The following SCARB1 variants were observed in gnomAD, a reference collection of about 807,000 sequenced individuals.
SCARB1 encodes the protein scavenger receptor class B member 1.
SCARB1 carries 30 observed loss-of-function variants against 57.2 expected under a neutral mutation model. The ratio of observed to expected loss-of-function variants is 0.52; its 90% CI spans 0.39 to 0.71. The LOEUF (loss-of-function observed/expected upper bound fraction) is 0.71. SCARB1 is among the 30% of genes least tolerant of loss of function. The probability of loss-of-function intolerance (pLI) is 0.00; values close to 1 mark genes in which losing one functional copy is unlikely to be tolerated. For missense variants in SCARB1, 543 were observed against 671.2 expected (o/e 0.81, Z 2.11); for synonymous variants, 249 against 268.3 (o/e 0.93, Z 0.70).
intron 1 of SCARB1, among the ~76,000 whole-genome samples, chr12:124,821,780 C>T (rs1191204450): frequency 2.0e-5 from 3 of 152,192 alleles, no homozygotes; most frequent in Non-Finnish European, 4.4e-5. Flanking sequence ...CATTAAGTGA[C>T]CCTTCCTCCT....
At chr12:124,786,302 C>T in intron 11 of SCARB1, 55 bp downstream of exon 11, 2 of 1,608,290 alleles carry the variant, frequency 1.2e-6, no homozygotes, top group Non-Finnish European at 1.7e-6. Context: ...GCCCCTTTCC[C>T]CCAGCAGGCA....
At chr12:124,791,162 C>T (rs1241786754) in intron 9 of SCARB1, among the ~76,000 whole-genome samples, 2 of 152,226 alleles carry the variant, frequency 1.3e-5, no homozygotes, top group African/African-American at 2.4e-5. Flanking sequence ...GGTGACTCCC[C>T]TGGGAGAGGG....
intron 7 of SCARB1, among the ~76,000 whole-genome samples, chr12:124,804,863 C>T (rs1220716123): frequency 2.0e-5 from 3 of 152,220 alleles, no homozygotes; most frequent in African/African-American, 4.8e-5. Flanking sequence ...AGGGCCGCTT[C>T]CGGTCCTACC....
intron 7 of SCARB1, among the ~76,000 whole-genome samples, chr12:124,806,468 C>T (rs952043148): frequency 1.3e-5 from 2 of 152,144 alleles, no homozygotes; most frequent in African/African-American, 4.8e-5. Context: ...GAAGATGTTA[C>T]GTAACACACA....
chr12:124,846,661 G>T (rs1952164651), intron 1 of SCARB1, among the ~76,000 whole-genome samples: 1 of 147,372 alleles, frequency 6.8e-6, no homozygotes, highest in South Asian at 2.1e-4. Flanking sequence ...AACCCGGGGG[G>T]CAGAAGTTGC....
chr12:124,842,828 C>T (rs746100695), intron 1 of SCARB1, among the ~76,000 whole-genome samples: 5 of 152,188 alleles, frequency 3.3e-5, no homozygotes, highest in Non-Finnish European at 5.9e-5. Flanking sequence ...GAGACAGAGG[C>T]CCAGGGCTCG....
chr12:124,780,345 T>C (rs910561633), intron 12 of SCARB1, among the ~76,000 whole-genome samples: 4 of 152,218 alleles, frequency 2.6e-5, no homozygotes, highest in African/African-American at 9.7e-5. Flanking sequence ...CCAGAGGGGC[T>C]GTCTTTTTCT....
In SCARB1 at chr12:124,776,952, T is replaced by G. The variant is rs1221220952; in HGVS notation, c.*1635A>C. On this transcript the variant is annotated 3_prime_UTR_variant, in exon 13 of 13. Coordinates refer to ENST00000261693, the MANE Select transcript of SCARB1 (RefSeq NM_005505.5). ...ATATAAATATCATTTAGATAAAATTTTAGGAGGGAAGAAGAAAGGAAATAC... is the reference window on the plus strand; with the variant it reads ...ATATAAATATCATTTAGATAAAATTGTAGGAGGGAAGAAGAAAGGAAATAC... The G allele has an allele frequency of 6.6e-6, 1 of 151,258 alleles. No individual in the cohort carries two copies. Among genetic ancestry groups the G allele is most frequent in the Non-Finnish European group, 1.5e-5 (1 of 67,930 alleles). The allele number at this position is 151,258 out of a possible 1,614,324, so 9.4% of individuals were successfully genotyped here.
At chr12:124,832,816 A>G (rs905234332) in intron 1 of SCARB1, among the ~76,000 whole-genome samples, 6 of 152,242 alleles carry the variant, frequency 3.9e-5, no homozygotes, top group Non-Finnish European at 4.4e-5. Flanking sequence ...CTTTAATGGA[A>G]GCATTTTCAT....
intron 11 of SCARB1, chr12:124,784,633 A>C (rs1333619673): frequency 6.6e-6 from 1 of 152,606 alleles, no homozygotes; most frequent in Non-Finnish European, 1.5e-5. Context: ...CAGGTGCTGC[A>C]GAGGAGCCAA....
chr12:124,790,009 C>CAAAAA (rs61031862), intron 9 of SCARB1, among the ~76,000 whole-genome samples: 1 of 106,138 alleles, frequency 9.4e-6, no homozygotes. Context: ...GACTCCGTCT[C>CAAAAA]AAAAAAAAAA....
Position 124,815,048 on chromosome 12 carries a change from G to T in SCARB1, c.351C>A (p.Arg117=). Reference sequence around the variant, plus strand: ...ACTTGGAGGGCTGGAACTGGAAGGTGCGGTACTCGAGGAAGGACACGGTGT... The same window carrying T: ...ACTTGGAGGGCTGGAACTGGAAGGTTCGGTACTCGAGGAAGGACACGGTGT... ...NNDTVSFLEY[R]TFQFQPSKSH... Residue 117 remains arginine, a synonymous_variant, in exon 3 of 13, where the codon CGC becomes CGA. Coordinates refer to ENST00000261693, the MANE Select transcript of SCARB1 (RefSeq NM_005505.5). 3.1e-6 allele frequency: 5 copies of T among 1,614,220 alleles called. No homozygotes were observed. The highest frequency in any genetic ancestry group is 4.2e-6 in the Non-Finnish European group (5 of 1,180,034).
At chr12:124,836,209 C>G (rs1951641442) in intron 1 of SCARB1, among the ~76,000 whole-genome samples, 1 of 152,184 alleles carries the variant, frequency 6.6e-6, no homozygotes, top group Non-Finnish European at 1.5e-5. Flanking sequence ...AGGAAGAGCT[C>G]AGGGACATCA....
intron 12 of SCARB1, 60 bp from the exon 13 acceptor site, chr12:124,778,646 T>TTGCCCCCCC: frequency 3.7e-6 from 5 of 1,337,864 alleles, no homozygotes; most frequent in Non-Finnish European, 4.8e-6. Flanking sequence ...CCCACCCTCA[T>TTGCCCCCCC]CCCCGCCCAC....
At chr12:124,831,987 C>T (rs1254323490) in intron 1 of SCARB1, among the ~76,000 whole-genome samples, 1 of 152,038 alleles carries the variant, frequency 6.6e-6, no homozygotes, top group Non-Finnish European at 1.5e-5. Flanking sequence ...GATCCTAAGG[C>T]AACGTGAGGG....
chr12:124,856,939 A>G (rs111815818), intron 1 of SCARB1, among the ~76,000 whole-genome samples: 1 of 152,148 alleles, frequency 6.6e-6, no homozygotes, highest in African/African-American at 2.4e-5. Flanking sequence ...GCCAGGGTGC[A>G]CTCTGCACCA....
intron 4 of SCARB1, among the ~76,000 whole-genome samples, chr12:124,813,059 C>T (rs1190286899): frequency 2.0e-5 from 3 of 152,090 alleles, no homozygotes; most frequent in African/African-American, 7.2e-5. Flanking sequence ...TACCCAAAGC[C>T]CAATCTCTCC....
At chr12:124,782,516 G>T (rs1392006416) in intron 12 of SCARB1, among the ~76,000 whole-genome samples, 167 bp downstream of exon 12, 1 of 152,258 alleles carries the variant, frequency 6.6e-6, no homozygotes, top group Non-Finnish European at 1.5e-5. Flanking sequence ...CATAGGAAGG[G>T]CAGTTTCTCC....
At chr12:124,839,468 G>A (rs933594679) in intron 1 of SCARB1, among the ~76,000 whole-genome samples, 1 of 152,146 alleles carries the variant, frequency 6.6e-6, no homozygotes, top group South Asian at 2.1e-4. Flanking sequence ...GGACACTCGG[G>A]TTGCTCCCAC....
Sources: allele counts gnomAD v4.1 joint callset (sites outside exome capture counted in the v4.1 genomes callset), GRCh38; gene constraint gnomAD v4.1.1; transcripts MANE v1.5; gene names NCBI Gene and HGNC (gene_info 2026-07-23, HGNC 2026-07-21).